GALC: variants seen among roughly 807,000 people sequenced by gnomAD.
The protein encoded by GALC is galactosylceramidase, also known as galactocerebrosidase.
A neutral mutation model predicts 91.8 loss-of-function variants in GALC; 77 were observed. The ratio of observed to expected loss-of-function variants is 0.84; its 90% CI spans 0.70 to 1.01. The LOEUF (loss-of-function observed/expected upper bound fraction) is 1.01, where lower values mean the gene tolerates loss of function less well. Among genes scored for constraint, GALC ranks in the 50% least tolerant of loss-of-function variants. The probability of loss-of-function intolerance (pLI) is 0.00; values close to 1 mark genes in which losing one functional copy is unlikely to be tolerated. For synonymous variants in GALC, 357 were observed against 306.7 expected (o/e 1.16, Z -1.71); for missense variants, 882 against 855.9 (o/e 1.03, Z -0.38).
intron 10 of GALC, among the ~76,000 whole-genome samples, chr14:87,956,629 A>T (rs1885570960): frequency 6.6e-6 from 1 of 150,396 alleles, no homozygotes; most frequent in Admixed American, 6.6e-5. Flanking sequence ...CACCATATAT[A>T]TATGGTATAT....
chr14:87,976,689 A>C, intron 6 of GALC: 1 of 484,852 alleles, frequency 2.1e-6, no homozygotes, highest in Non-Finnish European at 3.8e-6. Context: ...ATCTCAGCTC[A>C]CTGCAACCTC....
At position 87,986,293 on chromosome 14, in the gene GALC, A is replaced by C. The variant is rs538229138; in HGVS notation, c.442+196T>G. On this transcript the variant is annotated intron_variant, in intron 4 of 16. Coordinates refer to ENST00000261304, the MANE Select transcript of GALC (RefSeq NM_000153.4). The stretch of plus-strand genomic sequence containing the variant: ...AAGAGTCATGCCTTACTCCACAGGT[A>C]TTATAAGGATTCAACATAATATACA... 5.9e-5 allele frequency among the ~76,000 whole-genome samples: 9 copies of C among 152,322 alleles called. No individual in the cohort carries two copies. In the East Asian group the frequency reaches 1.7e-3, roughly 29 times the overall value.
At chr14:87,963,153 G>T in intron 10 of GALC, 1 of 482,436 alleles carries the variant, frequency 2.1e-6, no homozygotes, top group Admixed American at 3.3e-5. Flanking sequence ...TATCCCAACT[G>T]CCAGGAACAA....
At chr14:87,965,703 A>T (rs1180648021) in intron 8 of GALC, 74 bp from the exon 9 acceptor site, 3 of 1,469,000 alleles carry the variant, frequency 2.0e-6, no homozygotes, top group Admixed American at 3.4e-5. Context: ...ACCTGGAGTA[A>T]AAAGACTTTA....
At position 87,976,485 on chromosome 14, in the gene GALC, A is replaced by G. The variant is rs1886499523; in HGVS notation, c.625T>C (p.Leu209=). The part of the protein sequence containing the change: ...RSYNANYIKI[L]RKMLNYQGLQ... ...CCTTGATAATTCAGCATTTTTCTTA[A>G]TATCTTTTGGAGTAAGAAACAGAAC... Residue 209 remains leucine (L), a synonymous_variant, in exon 7 of 17, where the codon TTA becomes CTA. Coordinates refer to ENST00000261304, the MANE Select transcript of GALC (RefSeq NM_000153.4). 1.9e-6 allele frequency: 3 copies of G among 1,611,460 alleles called. No individual in the cohort carries two copies. Among genetic ancestry groups the G allele is most frequent in the East Asian group, 4.5e-5 (2 of 44,850 alleles).
At chr14:87,956,246 C>A (rs1481345280) in intron 10 of GALC, among the ~76,000 whole-genome samples, 1 of 151,924 alleles carries the variant, frequency 6.6e-6, no homozygotes, top group Non-Finnish European at 1.5e-5. Context: ...CAAGGAGCAA[C>A]ATTTCAGGCT....
intron 12 of GALC, 87 bp downstream of exon 12, chr14:87,949,758 A>C: frequency 1.4e-6 from 1 of 734,644 alleles, no homozygotes; most frequent in South Asian, 1.5e-5. Context: ...TTATAAAAAT[A>C]AAAATTCTTA....
At chr14:87,948,387 C>A (rs775308676) in intron 12 of GALC, among the ~76,000 whole-genome samples, 1 of 152,030 alleles carries the variant, frequency 6.6e-6, no homozygotes, top group East Asian at 1.9e-4. Flanking sequence ...GTCACACTTA[C>A]GATCTTGGCA....
intron 10 of GALC, among the ~76,000 whole-genome samples, chr14:87,951,125 T>C (rs1885289689): frequency 6.6e-6 from 1 of 151,734 alleles, no homozygotes; most frequent in South Asian, 2.1e-4. Flanking sequence ...ATAACTTTCG[T>C]TCTCATGTAA....
intron 1 of GALC, among the ~76,000 whole-genome samples, chr14:87,990,259 G>A (rs962881781): frequency 3.9e-5 from 6 of 151,966 alleles, no homozygotes; most frequent in African/African-American, 1.5e-4. Context: ...ATATTTTATG[G>A]GTCTTTTGTT....
Position 87,938,760 on chromosome 14 carries a change from A to G in GALC, c.1911+1145T>C, listed in dbSNP as rs142381883. The stretch of plus-strand genomic sequence containing the variant: ...AAGAAGGCCTTATTTAAAACATGAA[A>G]CATAAAAGCAATGAATAAAAAGTGA... On this transcript the variant is annotated intron_variant, in intron 16 of 16. Transcript: ENST00000261304. Among the ~76,000 whole-genome samples, 1,057 of 152,094 alleles carry G rather than the reference A, an allele frequency of 6.9e-3. 21 individuals carry two copies. In the East Asian group the frequency reaches 0.07, roughly 10 times the overall value.
intron 10 of GALC, chr14:87,954,299 T>C: frequency 6.3e-7 from 1 of 1,576,582 alleles, no homozygotes; most frequent in South Asian, 1.1e-5. Context: ...GAGTTGTTGA[T>C]TTCACTATAC....
chr14:87,938,583 T>C (rs543517247), intron 16 of GALC, among the ~76,000 whole-genome samples: 1 of 152,122 alleles, frequency 6.6e-6, no homozygotes, highest in African/African-American at 2.4e-5. Flanking sequence ...TCCATTGTAA[T>C]AAATGATGGC....
chr14:87,968,787 AGATG>A (rs1358854627), intron 7 of GALC, among the ~76,000 whole-genome samples: 4 of 152,164 alleles, frequency 2.6e-5, no homozygotes, highest in African/African-American at 9.7e-5. Context: ...GGAGCTCACA[AGATG>A]GATGGAAGCA....
At chr14:87,970,024 A>G (rs1381093469) in intron 7 of GALC, among the ~76,000 whole-genome samples, 6 of 152,224 alleles carry the variant, frequency 3.9e-5, no homozygotes. Context: ...AGGGTTAAGC[A>G]ATCATTGTTC....
At chr14:87,947,210 C>G (rs987245172) in intron 13 of GALC, among the ~76,000 whole-genome samples, 6 of 151,920 alleles carry the variant, frequency 3.9e-5, no homozygotes, top group African/African-American at 1.4e-4. Context: ...TTTCCTAAAT[C>G]ACCTATAACC....
chr14:87,941,681 G>A (rs1354748995), intron 14 of GALC, 123 bp from the exon 15 acceptor site: 1 of 755,090 alleles, frequency 1.3e-6, no homozygotes, highest in African/African-American at 1.7e-5. Context: ...GATTTGCTAA[G>A]TCTAAGCCTG....
chr14:87,945,765 T>C (rs1313981570), intron 13 of GALC, 32 bp from the exon 14 acceptor site: 2 of 1,513,060 alleles, frequency 1.3e-6, no homozygotes, highest in Non-Finnish European at 9.2e-7. Context: ...CTCTGTTTAG[T>C]ATCAAATCCT....
At chr14:87,953,747 A>C (rs1885404245) in intron 10 of GALC, 1 of 1,605,120 alleles carries the variant, frequency 6.2e-7, no homozygotes, top group African/African-American at 1.3e-5. Context: ...GATCAGAGGA[A>C]TGTGTCTGAA....
Sources: gnomAD v4.1 joint callset for allele counts (sites outside exome capture counted in the v4.1 genomes callset) on GRCh38, gnomAD v4.1.1 for gene constraint, MANE v1.5 for transcripts, NCBI Gene and HGNC (gene_info 2026-07-23, HGNC 2026-07-21) for gene names.